Variants in MGP observed in about 807,000 individuals in gnomAD.
MGP encodes the protein cell growth-inhibiting gene 36 protein.
A neutral mutation model predicts 14.5 loss-of-function variants in MGP; 13 were observed. The ratio of observed to expected loss-of-function variants is 0.89; its 90% CI spans 0.58 to 1.42. The LOEUF (loss-of-function observed/expected upper bound fraction) is 1.42. Ranked by LOEUF, MGP falls within the 40% of genes most tolerant of loss-of-function variation. The pLI, the probability that MGP is intolerant of heterozygous loss-of-function variation, is 0.00. For synonymous variants in MGP, 44 were observed against 46.3 expected, an observed-to-expected ratio of 0.95 and a Z score of 0.20; for missense variants, 128 against 133.7, an observed-to-expected ratio of 0.96 and a Z score of 0.21.
Position 14,884,960 on chromosome 12 carries a change from A to T in MGP, c.62-715T>A, listed in dbSNP as rs776978619. The T allele has an allele frequency of 1.6e-4, 223 of 1,358,938 alleles. 1 individual carries two copies. Among genetic ancestry groups the T allele is most frequent in the Admixed American group, 4.2e-4 (20 of 47,272 alleles). 84.2% of individuals were successfully genotyped at this position (1,358,938 alleles called of 1,614,324 possible). ...TGCCAGCAAGTGAATTTTCTTCAAA[A>T]CTTAAAAAGGAGGTGAAGAAATCAA... On this transcript the variant is annotated intron_variant, in intron 1 of 3. Coordinates refer to ENST00000539261, the MANE Select transcript of MGP (RefSeq NM_000900.5).
chr12:14,881,723 T>G lies in MGP; in HGVS notation c.*416A>C. ...TTCACGGATTCCAAGGTAGAGAGGG[T>G]TTAGAGAATTTATGGCTGAGTGAGT... On this transcript the variant is annotated 3_prime_UTR_variant, in exon 4 of 4. Transcript: ENST00000539261. 1 of 189,616 alleles carries G rather than the reference T, an allele frequency of 5.3e-6. No homozygotes were observed. The allele number at this position is 189,616 out of a possible 1,614,324, so 11.7% of individuals were successfully genotyped here. A position where few individuals can be genotyped will look rare whatever the true frequency, so the allele number is the denominator to read the frequency against.
chr12:14,884,448 G>A (rs1863416937), intron 1 of MGP, among the ~76,000 whole-genome samples: 1 of 152,112 alleles, frequency 6.6e-6, no homozygotes, highest in Non-Finnish European at 1.5e-5. Flanking sequence ...CTCTAGCTCT[G>A]GCCTTGCTGT....
intron 1 of MGP, chr12:14,884,847 A>C (rs1272489927): frequency 6.5e-7 from 1 of 1,535,310 alleles, no homozygotes; most frequent in Non-Finnish European, 8.7e-7. Context: ...AGAGAACTGA[A>C]ACGATATCAA....
intron 1 of MGP, chr12:14,884,848 A>G (rs1487438872): frequency 6.5e-7 from 1 of 1,535,358 alleles, no homozygotes; most frequent in Non-Finnish European, 8.7e-7. Context: ...GAGAACTGAA[A>G]CGATATCAAA....
rs368409379 is a variant in MGP at position 14,882,155 on chromosome 12, C to T, written c.296G>A (p.Arg99His). The T allele has an allele frequency of 2.3e-5, 37 of 1,613,834 alleles. No homozygotes were observed. The highest frequency in any genetic ancestry group is 5.0e-5 in the Admixed American group (3 of 59,986). ...NAAYNRYFRK[R>H]RGTK ...CCCTCAGTCTCATTTGGTCCCTCGGCGCTTCCTGAAGTAGCGATTATAGGC... is the reference window on the plus strand; with the variant it reads ...CCCTCAGTCTCATTTGGTCCCTCGGTGCTTCCTGAAGTAGCGATTATAGGC... The change falls in exon 4 of 4, where the codon CGC becomes CAC. Residue 99 changes from arginine to histidine, a missense_variant. Arg to His is a conservative substitution (Grantham distance 29). Coordinates refer to ENST00000539261, the MANE Select transcript of MGP (RefSeq NM_000900.5).
intron 1 of MGP, 76 bp downstream of exon 1, chr12:14,885,655 G>T: frequency 9.5e-7 from 1 of 1,054,034 alleles, no homozygotes; most frequent in Non-Finnish European, 1.5e-6. Context: ...AGAGGAGGAG[G>T]GAGAGGAAAA....
intron 3 of MGP, among the ~76,000 whole-genome samples, chr12:14,882,639 A>C (rs758103866): frequency 6.6e-6 from 1 of 151,558 alleles, no homozygotes; most frequent in Admixed American, 6.6e-5. Context: ...TCTGGGCAAC[A>C]GAGTGAGACT....
rs1863379206 is a variant in MGP at position 14,882,013 on chromosome 12, A to G, written c.*126T>C. 25 of 1,263,158 alleles carry G rather than the reference A, an allele frequency of 2.0e-5. No homozygotes were observed. The highest frequency in any genetic ancestry group is 2.6e-5 in the Non-Finnish European group (23 of 876,648). 78.2% of individuals were successfully genotyped at this position (1,263,158 alleles called of 1,614,324 possible). A position where few individuals can be genotyped will look rare whatever the true frequency, so the allele number is the denominator to read the frequency against. ...GGGCGGGAAAAAGGGGTGCAGCCAGACAAGAGAATATACAGGAAAGAAGCA... is the reference window on the plus strand; with the variant it reads ...GGGCGGGAAAAAGGGGTGCAGCCAGGCAAGAGAATATACAGGAAAGAAGCA... On this transcript the variant is annotated 3_prime_UTR_variant, in exon 4 of 4. Coordinates refer to ENST00000539261, the MANE Select transcript of MGP (RefSeq NM_000900.5).
chr12:14,882,113 A>T lies in MGP; in HGVS notation c.*26T>A. On this transcript the variant is annotated 3_prime_UTR_variant, in exon 4 of 4. Coordinates refer to ENST00000539261, the MANE Select transcript of MGP (RefSeq NM_000900.5). ...AATCAGGTGCCAGCCTCCAGAAAAA[A>T]AGAGATTTTTTTTCTTCCCTCAGTC... is the stretch of plus-strand genomic sequence containing the variant. 1.2e-6 allele frequency: 2 copies of T among 1,613,850 alleles called. No individual in the cohort carries two copies. Among genetic ancestry groups the T allele is most frequent in the Non-Finnish European group, 1.7e-6 (2 of 1,179,830 alleles).
chr12:14,882,136 G>C lies in MGP; in HGVS notation c.*3C>G. The C allele has an allele frequency of 6.2e-7, 1 of 1,613,954 alleles. No homozygotes were observed. The highest frequency in any genetic ancestry group is 8.5e-7 in the Non-Finnish European group (1 of 1,179,926). On this transcript the variant is annotated 3_prime_UTR_variant, in exon 4 of 4. Transcript: ENST00000539261. Reference sequence around the variant, plus strand: ...AAAAGAGATTTTTTTTCTTCCCTCAGTCTCATTTGGTCCCTCGGCGCTTCC... The same window carrying C: ...AAAAGAGATTTTTTTTCTTCCCTCACTCTCATTTGGTCCCTCGGCGCTTCC...
intron 2 of MGP, 41 bp from the exon 3 acceptor site, chr12:14,883,088 T>C (rs751142994): frequency 7.2e-7 from 1 of 1,382,392 alleles, no homozygotes; most frequent in Non-Finnish European, 1.0e-6. Context: ...TAGCGACACA[T>C]AGCTGGAAAT....
At position 14,885,839 on chromosome 12, in the gene MGP, G is replaced by C; in HGVS notation, c.-48C>G. On this transcript the variant is annotated 5_prime_UTR_variant, in exon 1 of 4. Coordinates refer to ENST00000539261, the MANE Select transcript of MGP (RefSeq NM_000900.5). ...TCAGGGTCTTGTGTAGCAGCAGTAG[G>C]GAGAGAGGCTCCTACGGGATGTTAG... 1 of 1,536,584 alleles carries C rather than the reference G, an allele frequency of 6.5e-7. No homozygotes were observed. The highest frequency in any genetic ancestry group is 9.0e-7 in the Non-Finnish European group (1 of 1,110,132).
chr12:14,884,140 CTTGT>C, intron 2 of MGP, 69 bp downstream of exon 2: 1 of 1,213,476 alleles, frequency 8.2e-7, no homozygotes, highest in Non-Finnish European at 1.2e-6. Flanking sequence ...ATCTTTCCAT[CTTGT>C]TTATTTAAAA....
chr12:14,883,255 A>C (rs1031991246), intron 2 of MGP: 1 of 534,938 alleles, frequency 1.9e-6, no homozygotes, highest in Non-Finnish European at 3.4e-6. Flanking sequence ...TGTGTCTTAG[A>C]GACTTGTCAT....
Position 14,882,954 on chromosome 12 carries a change from TG to T in MGP, c.170+17del, listed in dbSNP as rs757783980. 2.7e-5 allele frequency: 42 copies of T among 1,577,406 alleles called. No homozygotes were observed. Among genetic ancestry groups the T allele is most frequent in the Non-Finnish European group, 3.4e-5 (39 of 1,146,856 alleles). On this transcript the variant is annotated intron_variant, in intron 3 of 3. Coordinates refer to ENST00000539261, the MANE Select transcript of MGP (RefSeq NM_000900.5). ...CACTGGGAAAAATGACCACTCCTCA[TG>T]AAGTTTTGTTACTGACCTCTCTTGG...
chr12:14,881,407 A>G lies in MGP; in HGVS notation c.*732T>C, dbSNP rs1204681234. On this transcript the variant is annotated 3_prime_UTR_variant, in exon 4 of 4. Coordinates refer to ENST00000539261, the MANE Select transcript of MGP (RefSeq NM_000900.5). ...AACCTTTAACAAATGTAGAAGTAAA[A>G]ATATAACATAAGTAGAAGTAAAAAA... is the stretch of plus-strand genomic sequence containing the variant. The G allele has an allele frequency of 6.6e-6, 1 of 152,218 alleles. No homozygotes were observed. The highest frequency in any genetic ancestry group is 1.9e-4 in the East Asian group (1 of 5,206). 9.4% of individuals were successfully genotyped at this position (152,218 alleles called of 1,614,324 possible).
intron 1 of MGP, 40 bp downstream of exon 1, chr12:14,885,691 A>G (rs1486104362): frequency 6.5e-7 from 1 of 1,546,806 alleles, no homozygotes; most frequent in East Asian, 2.2e-5. Flanking sequence ...AGTCAGAGGC[A>G]GAAAAGTAAA....
intron 1 of MGP, chr12:14,884,880 C>T (rs1475583143): frequency 6.5e-7 from 1 of 1,535,088 alleles, no homozygotes; most frequent in Admixed American, 2.0e-5. Context: ...CTTCTTTCTG[C>T]CACTCTCCTG....
rs546998085 is a variant in MGP at position 14,882,170 on chromosome 12, C to A, written c.281G>T (p.Arg94Leu). ...GGTCCCTCGGCGCTTCCTGAAGTAGCGATTATAGGCAGCATTGTATCCATA... is the reference window on the plus strand; with the variant it reads ...GGTCCCTCGGCGCTTCCTGAAGTAGAGATTATAGGCAGCATTGTATCCATA... ...MVYGYNAAYNRYFRKRRGTK is the reference protein window; with the variant it reads ...MVYGYNAAYNLYFRKRRGTK Residue 94 changes from arginine to leucine, a missense_variant, in exon 4 of 4, where the codon CGC becomes CTC. Transcript: ENST00000539261. The A allele has an allele frequency of 1.9e-6, 3 of 1,613,884 alleles. No individual in the cohort carries two copies. The highest frequency in any genetic ancestry group is 1.7e-5 in the Admixed American group (1 of 59,996).
Sources: gnomAD v4.1 joint callset for allele counts (sites outside exome capture counted in the v4.1 genomes callset) on GRCh38, gnomAD v4.1.1 for gene constraint, MANE v1.5 for transcripts, NCBI Gene and HGNC (gene_info 2026-07-23, HGNC 2026-07-21) for gene names.